The following RBMS3 variants were observed in gnomAD, a reference collection of about 807,000 sequenced individuals.
The protein encoded by RBMS3 is RNA binding motif single stranded interacting protein 3, also known as RNA-binding motif, single-stranded-interacting protein 3.
Under a neutral mutation model 66.8 loss-of-function variants are expected in RBMS3, and 27 were observed. The observed-to-expected ratio is 0.40, with a 90% confidence interval of 0.30 to 0.56. The LOEUF (loss-of-function observed/expected upper bound fraction) is 0.56. Among genes scored for constraint, RBMS3 ranks in the 20% least tolerant of loss-of-function variants. The probability of loss-of-function intolerance (pLI) is 0.40; values close to 1 mark genes in which losing one functional copy is unlikely to be tolerated. For synonymous variants in RBMS3, 188 were observed against 183.0 expected (o/e 1.03, Z -0.22); for missense variants, 513 against 549.5 (o/e 0.93, Z 0.66).
chr3:29,475,392 G>A (rs531314505), intron 2 of RBMS3, among the ~76,000 whole-genome samples: 1 of 152,046 alleles, frequency 6.6e-6, no homozygotes, highest in East Asian at 1.9e-4. Flanking sequence ...GGGACTACAG[G>A]TGCACACCAC....
At position 29,387,446 on chromosome 3, in the gene RBMS3, G is replaced by A. The variant is rs572520659; in HGVS notation, c.76-47297G>A. On this transcript the variant is annotated intron_variant, in intron 1 of 14. Coordinates refer to ENST00000383767, the MANE Select transcript of RBMS3 (RefSeq NM_001003793.3). Reference sequence around the variant, plus strand: ...TAGAATTTTTCAGCAAATATCAATGGCTCTACTTGACTGTTTTTCACATTT... The same window carrying A: ...TAGAATTTTTCAGCAAATATCAATGACTCTACTTGACTGTTTTTCACATTT... 5.3e-5 allele frequency among the ~76,000 whole-genome samples: 8 copies of A among 152,122 alleles called. No individual in the cohort carries two copies. In the South Asian group the frequency reaches 1.7e-3, roughly 32 times the overall value.
Position 29,287,192 on chromosome 3 carries a change from C to T in RBMS3, c.75+5436C>T, listed in dbSNP as rs1054103383. ...GCTTAGAAAATATCCTCTCGGAAAA[C>T]GGAAACAGACATATAATACCATTTT... On this transcript the variant is annotated intron_variant, in intron 1 of 14. Transcript: ENST00000383767. 1.2e-4 allele frequency among the ~76,000 whole-genome samples: 18 copies of T among 152,036 alleles called. No homozygotes were observed. In the East Asian group the frequency reaches 1.9e-3, roughly 16 times the overall value.
At chr3:29,351,588 C>G (rs549648247) in intron 1 of RBMS3, among the ~76,000 whole-genome samples, 1 of 151,924 alleles carries the variant, frequency 6.6e-6, no homozygotes, top group South Asian at 2.1e-4. Flanking sequence ...CTTTTACTGA[C>G]TTTTTTGAGT....
Position 29,863,246 on chromosome 3 carries a change from A to G in RBMS3, c.638-5612A>G, listed in dbSNP as rs374329759. Among the ~76,000 whole-genome samples the G allele has an allele frequency of 1.9e-4, 29 of 152,072 alleles. No homozygotes were observed. In the East Asian group the frequency reaches 5.2e-3, roughly 27 times the overall value. On this transcript the variant is annotated intron_variant, in intron 6 of 14. Coordinates refer to ENST00000383767, the MANE Select transcript of RBMS3 (RefSeq NM_001003793.3). ...GTGGGGGGAGAGGGGGAGGGATAGC[A>G]TTAGGAGATACACCTAATGTAAATG...
rs369671925 is a variant in RBMS3, at chr3:29,662,557, A to T, written c.399+75352A>T. Among the ~76,000 whole-genome samples, 6 of 152,340 alleles carry T rather than the reference A, an allele frequency of 3.9e-5. No homozygotes were observed. The East Asian group carries it at 7.7e-4, about 20-fold the overall frequency. On this transcript the variant is annotated intron_variant, in intron 4 of 14. Transcript: ENST00000383767. ...AGTTAGTGACAGAGCCAACCTGTTA[A>T]CAAAACCATGCTGAATTCCAACACT...
intron 10 of RBMS3, among the ~76,000 whole-genome samples, chr3:29,905,048 A>G (rs1261863947): frequency 1.3e-5 from 2 of 152,046 alleles, no homozygotes; most frequent in African/African-American, 4.8e-5. Context: ...TCTTTCTTTT[A>G]GAACAAGGGT....
chr3:29,764,841 C>G (rs1033550985), intron 6 of RBMS3, among the ~76,000 whole-genome samples: 1 of 151,964 alleles, frequency 6.6e-6, no homozygotes, highest in Non-Finnish European at 1.5e-5. Context: ...CATAGCTACA[C>G]CCAATGGAAA....
chr3:29,820,795 C>A (rs1177752827), intron 6 of RBMS3, among the ~76,000 whole-genome samples: 1 of 152,128 alleles, frequency 6.6e-6, no homozygotes, highest in African/African-American at 2.4e-5. Flanking sequence ...AAGTAATTCT[C>A]CCTGGGCATG....
At chr3:29,711,278 A>C (rs1046986749) in intron 4 of RBMS3, among the ~76,000 whole-genome samples, 1 of 152,212 alleles carries the variant, frequency 6.6e-6, no homozygotes, top group Non-Finnish European at 1.5e-5. Flanking sequence ...GAAATCACAG[A>C]TAAGAGGAGA....
At chr3:29,977,673 A>G (rs184991113) in intron 12 of RBMS3, among the ~76,000 whole-genome samples, 1 of 152,272 alleles carries the variant, frequency 6.6e-6, no homozygotes, top group Admixed American at 6.5e-5. Context: ...TGATTTCATA[A>G]TAGGTAAAAA....
intron 6 of RBMS3, among the ~76,000 whole-genome samples, chr3:29,851,498 G>T (rs2058934368): frequency 6.6e-6 from 1 of 152,070 alleles, no homozygotes; most frequent in Non-Finnish European, 1.5e-5. Flanking sequence ...CATCTCAAAA[G>T]GGGTTTCAAC....
intron 1 of RBMS3, among the ~76,000 whole-genome samples, chr3:29,418,318 G>C (rs1186804435): frequency 1.3e-5 from 2 of 152,038 alleles, no homozygotes; most frequent in African/African-American, 4.8e-5. Context: ...TGTAAATTGG[G>C]TCCAGGATAG....
intron 1 of RBMS3, among the ~76,000 whole-genome samples, chr3:29,357,273 C>T (rs554012667): frequency 2.5e-4 from 38 of 152,206 alleles, no homozygotes; most frequent in African/African-American, 6.7e-4. Flanking sequence ...TGTTCAATTC[C>T]CACCTATGAG....
intron 4 of RBMS3, among the ~76,000 whole-genome samples, chr3:29,661,676 A>AT (rs1406940624): frequency 1.3e-5 from 2 of 151,910 alleles, no homozygotes; most frequent in African/African-American, 4.8e-5. Flanking sequence ...TTGAATATTC[A>AT]TTTTTTCTTA....
At chr3:29,438,030 C>G (rs10576795) in intron 2 of RBMS3, among the ~76,000 whole-genome samples, 1 of 77,264 alleles carries the variant, frequency 1.3e-5, no homozygotes, top group Non-Finnish European at 2.9e-5. Flanking sequence ...TTGCTTGTTT[C>G]TCTCTCTCTC....
intron 2 of RBMS3, among the ~76,000 whole-genome samples, chr3:29,463,614 GA>G (rs3041556): frequency 0.47 from 59,191 of 127,066 alleles, 12,520 homozygotes; most frequent in East Asian, 0.57. Context: ...CTGGTTAGTT[GA>G]AAAAAAAAAA....
chr3:29,878,185 G>A (rs1045264342), intron 7 of RBMS3, among the ~76,000 whole-genome samples: 2 of 152,028 alleles, frequency 1.3e-5, no homozygotes, highest in East Asian at 1.9e-4. Flanking sequence ...GACAGGAAGC[G>A]GATCTCAGGC....
At chr3:29,880,841 C>A in intron 7 of RBMS3, 1 of 1,532,562 alleles carries the variant, frequency 6.5e-7, no homozygotes. Flanking sequence ...GTATTCATTC[C>A]CGACCCTTTT....
At chr3:29,826,837 CTACTA>C (rs2058224222) in intron 6 of RBMS3, among the ~76,000 whole-genome samples, 1 of 152,012 alleles carries the variant, frequency 6.6e-6, no homozygotes, top group Admixed American at 6.6e-5. Context: ...TTATTTTTCT[CTACTA>C]TACAATAGAA....
Sources: gnomAD v4.1 joint callset for allele counts (sites outside exome capture counted in the v4.1 genomes callset) on GRCh38, gnomAD v4.1.1 for gene constraint, MANE v1.5 for transcripts, NCBI Gene and HGNC (gene_info 2026-07-23, HGNC 2026-07-21) for gene names.